Variants in CAST observed in about 807,000 individuals in gnomAD.
The protein encoded by CAST is MIR583 host.
A neutral mutation model predicts 119.6 loss-of-function variants in CAST; 76 were observed. The ratio of observed to expected loss-of-function variants is 0.64; its 90% CI spans 0.53 to 0.77. The LOEUF (loss-of-function observed/expected upper bound fraction) is 0.77, where lower values mean the gene tolerates loss of function less well. Ranked by LOEUF, CAST falls within the 30% of genes least tolerant of loss-of-function variation. The pLI, the probability that CAST is intolerant of heterozygous loss-of-function variation, is 0.00. For missense variants in CAST, 953 were observed against 946.5 expected (o/e 1.01, Z -0.09); for synonymous variants, 319 against 331.6 (o/e 0.96, Z 0.41).
chr5:96,211,187 C>T, the CAST span, among the ~76,000 whole-genome samples: 1 of 151,944 alleles, frequency 6.6e-6, no homozygotes, highest in Non-Finnish European at 1.5e-5. Flanking sequence ...TTGAATAGAA[C>T]TTCCAGTAAT....
chr5:96,221,625 G>T, the CAST span, among the ~76,000 whole-genome samples: 1 of 151,810 alleles, frequency 6.6e-6, no homozygotes, highest in South Asian at 2.1e-4. Context: ...AAACAAATGG[G>T]AAAACAGTCC....
chr5:95,972,613 T>C, the CAST span, among the ~76,000 whole-genome samples: 1 of 152,232 alleles, frequency 6.6e-6, no homozygotes, highest in African/African-American at 2.4e-5. Flanking sequence ...TTATATAATC[T>C]AGATACATGA....
chr5:96,552,132 A>G (rs746966089), intron 1 of CAST, among the ~76,000 whole-genome samples: 18 of 152,188 alleles, frequency 1.2e-4, no homozygotes, highest in Non-Finnish European at 2.5e-4. Flanking sequence ...TCAGCACCAC[A>G]TCGCACTTAT....
intron 1 of CAST, among the ~76,000 whole-genome samples, chr5:96,621,077 C>T (rs1304317277): frequency 6.6e-6 from 1 of 152,176 alleles, no homozygotes; most frequent in African/African-American, 2.4e-5. Context: ...CCTCAAGTTC[C>T]CACGTCTTCT....
the CAST span, among the ~76,000 whole-genome samples, chr5:96,267,228 G>A: frequency 6.6e-6 from 1 of 152,150 alleles, no homozygotes; most frequent in Non-Finnish European, 1.5e-5. Context: ...TCAAGAGGGA[G>A]TTGAGCAACA....
intron 3 of CAST, among the ~76,000 whole-genome samples, chr5:96,712,940 T>C (rs920905041): frequency 1.3e-5 from 2 of 152,188 alleles, no homozygotes; most frequent in Non-Finnish European, 2.9e-5. Context: ...TGTTCCTCCC[T>C]ACTTTGTGTT....
chr5:96,207,282 A>T, the CAST span, among the ~76,000 whole-genome samples: 1 of 151,986 alleles, frequency 6.6e-6, no homozygotes, highest in Non-Finnish European at 1.5e-5. Flanking sequence ...TCCTATTTGG[A>T]TGCCTTTTAT....
intron 1 of CAST, among the ~76,000 whole-genome samples, chr5:96,551,012 A>G (rs1746116120): frequency 6.6e-6 from 1 of 152,226 alleles, no homozygotes; most frequent in African/African-American, 2.4e-5. Context: ...TATCCAGGAA[A>G]ACTTCCCCAA....
chr5:96,465,581 T>G, the CAST span, among the ~76,000 whole-genome samples: 1 of 152,164 alleles, frequency 6.6e-6, no homozygotes, highest in Non-Finnish European at 1.5e-5. Context: ...GATCATTTAA[T>G]GCACTCATAT....
the CAST span, among the ~76,000 whole-genome samples, chr5:96,181,197 C>T: frequency 2.0e-5 from 3 of 152,124 alleles, no homozygotes; most frequent in Non-Finnish European, 4.4e-5. Flanking sequence ...GACTTCAGCT[C>T]TTCATTTGGA....
chr5:96,063,200 C>T, the CAST span, among the ~76,000 whole-genome samples: 28 of 152,296 alleles, frequency 1.8e-4, no homozygotes, highest in African/African-American at 6.5e-4. Flanking sequence ...CCCATAGTGG[C>T]TGGACTGCTG....
the CAST span, among the ~76,000 whole-genome samples, chr5:96,367,207 G>A: frequency 6.6e-5 from 10 of 152,118 alleles, no homozygotes; most frequent in Non-Finnish European, 7.4e-5. Context: ...AGGGGTACCC[G>A]GCCATGTGAG....
At chr5:96,597,832 G>A (rs529470009) in intron 1 of CAST, among the ~76,000 whole-genome samples, 1 of 152,046 alleles carries the variant, frequency 6.6e-6, no homozygotes, top group Admixed American at 6.5e-5. Flanking sequence ...TGTGTAAAGT[G>A]GGGGTCAGGG....
At chr5:96,454,023 C>T in the CAST span, among the ~76,000 whole-genome samples, 3 of 152,196 alleles carry the variant, frequency 2.0e-5, no homozygotes, top group Non-Finnish European at 4.4e-5. Flanking sequence ...ATAATTTCCT[C>T]AAGATTTCTT....
At chr5:96,019,803 A>G in the CAST span, among the ~76,000 whole-genome samples, 1 of 152,206 alleles carries the variant, frequency 6.6e-6, no homozygotes, top group African/African-American at 2.4e-5. Flanking sequence ...GTAAATAGAC[A>G]TTTTAAATGT....
At chr5:96,671,968 C>T (rs1750133434) in intron 1 of CAST, among the ~76,000 whole-genome samples, 1 of 152,202 alleles carries the variant, frequency 6.6e-6, no homozygotes, top group African/African-American at 2.4e-5. Flanking sequence ...ACATCATTAA[C>T]AGACTGCTGA....
chr5:96,081,725 G>A, the CAST span, among the ~76,000 whole-genome samples: 2 of 152,112 alleles, frequency 1.3e-5, no homozygotes, highest in African/African-American at 2.4e-5. Context: ...AGTCTTTACA[G>A]CCTGGAGAAA....
intron 1 of CAST, among the ~76,000 whole-genome samples, chr5:96,594,636 G>T (rs1448316022): frequency 1.3e-5 from 2 of 152,034 alleles, no homozygotes; most frequent in Non-Finnish European, 2.9e-5. Context: ...AGAAAACAAA[G>T]AATTTTCAAA....
chr5:96,654,241 G>C (rs1193965606), intron 1 of CAST, among the ~76,000 whole-genome samples: 1 of 151,762 alleles, frequency 6.6e-6, no homozygotes, highest in African/African-American at 2.4e-5. Context: ...TGGCCAAGCT[G>C]GTCTCAAACT....
Sources: gnomAD v4.1 joint callset for allele counts (sites outside exome capture counted in the v4.1 genomes callset) on GRCh38, gnomAD v4.1.1 for gene constraint, MANE v1.5 for transcripts, NCBI Gene and HGNC (gene_info 2026-07-23, HGNC 2026-07-21) for gene names.